MYOF: variants seen among roughly 807,000 people sequenced by gnomAD.
MYOF encodes myoferlin.
In MYOF, 244 loss-of-function variants were observed where a neutral mutation model predicts 284.2. The observed-to-expected ratio is 0.86, with a 90% CI of 0.77 to 0.95. The LOEUF is 0.95. Among genes scored for constraint, MYOF ranks in the 40% least tolerant of loss-of-function variants. The pLI, the probability that MYOF is intolerant of heterozygous loss-of-function variation, is 0.00. For missense variants in MYOF, 2,496 were observed against 2,560.6 expected (o/e 0.97, Z 0.54); for synonymous variants, 904 against 919.7 (o/e 0.98, Z 0.31).
chr10:93,426,654 C>T (rs568152732), intron 4 of MYOF, among the ~76,000 whole-genome samples: 9 of 152,164 alleles, frequency 5.9e-5, no homozygotes, highest in African/African-American at 1.4e-4. Context: ...TTTGGGAGGC[C>T]GAAGCGGGTG....
intron 21 of MYOF, among the ~76,000 whole-genome samples, chr10:93,377,897 A>G (rs1845911384): frequency 6.6e-6 from 1 of 152,216 alleles, no homozygotes; most frequent in South Asian, 2.1e-4. Flanking sequence ...ACCTTGTGGT[A>G]TTGGACTGGA....
rs770765153 is a variant in MYOF, at chr10:93,408,827, C to T, written c.689G>A (p.Arg230Gln). ...VKVHVCGQTH[R>Q]TRIKRGNNPF... ...GTTGTTTCCTCTCTTGATTCTTGTT[C>T]GGTGTGTCTGGCCACAGACGTGAAC... Residue 230 changes from arginine (R) to glutamine (Q), a missense_variant, in exon 7 of 54, where the codon CGA becomes CAA. This residue lies in a region of MYOF where 2,436 missense variants were observed against 2,480.7 expected (regional missense o/e 0.98). Coordinates refer to ENST00000359263, the MANE Select transcript of MYOF (RefSeq NM_013451.4). 46 of 1,614,050 alleles carry T rather than the reference C, an allele frequency of 2.8e-5. No individual in the cohort carries two copies. The highest frequency in any genetic ancestry group is 2.0e-4 in the Admixed American group (12 of 60,010).
In MYOF at chr10:93,335,852, TC is replaced by T. The variant is rs912595552; in HGVS notation, c.4563+68del. 10 of 1,547,808 alleles carry T rather than the reference TC, an allele frequency of 6.5e-6. No homozygotes were observed. The African/African-American group carries it at 1.2e-4, about 18-fold the overall frequency. On this transcript the variant is annotated intron_variant, in intron 41 of 53. Transcript: ENST00000359263. ...TGTGCCCCTCCCTAGAGCCTGGTTG[TC>T]CTTTATTCTAGGCCTATATAGAAAA... is the stretch of plus-strand genomic sequence containing the variant.
chr10:93,333,579 C>T (rs12782443), intron 42 of MYOF, among the ~76,000 whole-genome samples, 179 bp downstream of exon 42: 2,809 of 152,226 alleles, frequency 0.018, 44 homozygotes, highest in Non-Finnish European at 0.03. Context: ...GACCTTAAGC[C>T]CCCCGCAAGC....
chr10:93,392,778 C>T, intron 17 of MYOF, 139 bp downstream of exon 17: 1 of 748,614 alleles, frequency 1.3e-6, no homozygotes, highest in Non-Finnish European at 2.3e-6. Flanking sequence ...ATGGCACTTA[C>T]ACAAAAATTA....
chr10:93,368,599 G>T (rs1845432043), intron 25 of MYOF, among the ~76,000 whole-genome samples: 1 of 152,178 alleles, frequency 6.6e-6, no homozygotes, highest in Admixed American at 6.5e-5. Flanking sequence ...TGAATGGTTG[G>T]GTGGACAGTA....
chr10:93,387,983 G>A, intron 18 of MYOF, 70 bp from the exon 19 acceptor site: 2 of 1,254,174 alleles, frequency 1.6e-6, no homozygotes, highest in Non-Finnish European at 2.3e-6. Flanking sequence ...TCTCTAGTCA[G>A]GCTAATACAA....
chr10:93,327,667 T>TCA (rs1843110793), intron 45 of MYOF, among the ~76,000 whole-genome samples: 1 of 42,170 alleles, frequency 2.4e-5, no homozygotes, highest in African/African-American at 7.1e-5. Context: ...GTTTGCAAGT[T>TCA]CACGTTAGAA....
chr10:93,399,115 C>A (rs948937842), intron 13 of MYOF, among the ~76,000 whole-genome samples: 1 of 152,146 alleles, frequency 6.6e-6, no homozygotes, highest in Non-Finnish European at 1.5e-5. Flanking sequence ...AACGTTTGGA[C>A]CTGAAAAGCA....
intron 2 of MYOF, 31 bp from the exon 3 acceptor site, chr10:93,452,172 A>G: frequency 6.8e-7 from 1 of 1,481,444 alleles, no homozygotes; most frequent in Non-Finnish European, 9.3e-7. Context: ...AAAAAAGAGA[A>G]AAAAAAAGGC....
At chr10:93,425,871 C>A (rs901093529) in intron 5 of MYOF, 200 bp downstream of exon 5, 1 of 595,870 alleles carries the variant, frequency 1.7e-6, no homozygotes. Flanking sequence ...GTTCACCCTT[C>A]CCCTCTACCT....
At chr10:93,314,249 C>T (rs112036673) in intron 50 of MYOF, among the ~76,000 whole-genome samples, 214 of 152,188 alleles carry the variant, frequency 1.4e-3, no homozygotes, top group African/African-American at 4.7e-3. Flanking sequence ...CCACAATGCC[C>T]GGCTAATTTT....
At chr10:93,460,342 G>A (rs371760725) in intron 1 of MYOF, among the ~76,000 whole-genome samples, 13 of 152,360 alleles carry the variant, frequency 8.5e-5, no homozygotes, top group African/African-American at 3.1e-4. Context: ...GATTGTTCCA[G>A]AGTCAGCAGC....
intron 3 of MYOF, among the ~76,000 whole-genome samples, chr10:93,433,639 A>G (rs1428269202): frequency 6.6e-6 from 1 of 152,242 alleles, no homozygotes; most frequent in Non-Finnish European, 1.5e-5. Context: ...GTAATTGAAC[A>G]TTTCTATGTA....
At chr10:93,402,081 G>A (rs1847322513) in intron 11 of MYOF, 151 bp downstream of exon 11, 2 of 627,510 alleles carry the variant, frequency 3.2e-6, no homozygotes, top group Non-Finnish European at 5.6e-6. Flanking sequence ...ATTCCATGAT[G>A]AAGAAAAGAA....
intron 2 of MYOF, among the ~76,000 whole-genome samples, chr10:93,455,991 C>G (rs1358692879): frequency 6.6e-6 from 1 of 152,146 alleles, no homozygotes; most frequent in Non-Finnish European, 1.5e-5. Context: ...AAATATTAAA[C>G]ACTGAACCAC....
intron 39 of MYOF, among the ~76,000 whole-genome samples, chr10:93,338,997 A>T (rs1041628437): frequency 2.7e-5 from 4 of 149,890 alleles, no homozygotes; most frequent in African/African-American, 7.3e-5. Flanking sequence ...GGAAGAAGGG[A>T]CAAGAAAGGC....
intron 20 of MYOF, 25 bp from the exon 21 acceptor site, chr10:93,380,012 T>A (rs762209417): frequency 1.2e-6 from 2 of 1,603,654 alleles, no homozygotes; most frequent in South Asian, 1.1e-5. Context: ...TGGGGGTCAA[T>A]GAACACTGAA....
At chr10:93,396,112 G>A (rs1221476660) in intron 16 of MYOF, 30 bp downstream of exon 16, 3 of 1,541,304 alleles carry the variant, frequency 1.9e-6, no homozygotes, top group Admixed American at 3.5e-5. Flanking sequence ...TCTGTATCCA[G>A]TCTTGTTCTA....
Sources: gnomAD v4.1 joint callset for allele counts (sites outside exome capture counted in the v4.1 genomes callset) on GRCh38, gnomAD v4.1.1 for gene constraint, gnomAD v4.1.1 regional missense constraint, MANE v1.5 for transcripts, NCBI Gene and HGNC (gene_info 2026-07-23, HGNC 2026-07-21) for gene names.